PCDH19: variants seen among roughly 807,000 people sequenced by gnomAD.
PCDH19 encodes the protein protocadherin 19, also known as protocadherin-19.
Under a neutral mutation model 46.2 loss-of-function variants are expected in PCDH19, and 6 were observed. The observed-to-expected ratio is 0.13, with a 90% CI of 0.07 to 0.26. The LOEUF (loss-of-function observed/expected upper bound fraction) is 0.26. PCDH19 is among the 10% of genes least tolerant of loss of function. PCDH19 has a pLI of 1.00. For synonymous variants in PCDH19, 481 were observed against 415.7 expected (o/e 1.16, Z -1.91); for missense variants, 740 against 972.3 (o/e 0.76, Z 3.18).
chrX:100,392,612 G>A (rs770541782), intron 3 of PCDH19, among the ~76,000 whole-genome samples: 73 of 111,782 alleles, frequency 6.5e-4, no homozygotes, highest in Middle Eastern at 4.6e-3. Flanking sequence ...TTAAAGAAAT[G>A]ATCAGAACAG....
intron 5 of PCDH19, among the ~76,000 whole-genome samples, chrX:100,297,653 C>G (rs1329849803): frequency 8.9e-6 from 1 of 112,048 alleles, no homozygotes; most frequent in Non-Finnish European, 1.9e-5. Context: ...TTAAAGAAAT[C>G]TTTCATGGAT....
rs192316918 is a variant in PCDH19, at chrX:100,328,469, C to A, written c.2848+13434G>T. ...CAGCATGTCAACTTCGAAGACTTTT[C>A]CCTCTCCCAAGAGTACAAAGCTCAT... On this transcript the variant is annotated intron_variant, in intron 5 of 5. Coordinates refer to ENST00000373034, the MANE Select transcript of PCDH19 (RefSeq NM_001184880.2). Among the ~76,000 whole-genome samples, 8 of 111,553 alleles carry A rather than the reference C, an allele frequency of 7.2e-5. No homozygotes were observed. In the Admixed American group the frequency reaches 7.6e-4, roughly 11 times the overall value.
chrX:100,348,876 G>T lies in PCDH19; in HGVS notation c.2675+1770C>A, dbSNP rs1400807752. Among the ~76,000 whole-genome samples, 12 of 107,943 alleles carry T rather than the reference G, an allele frequency of 1.1e-4. 1 individual carries two copies. The Admixed American group carries it at 1.2e-3, about 11-fold the overall frequency. The allele number at this position is 107,943 out of a possible 115,157, so 93.7% of individuals were successfully genotyped here. On this transcript the variant is annotated intron_variant, in intron 4 of 5. Coordinates refer to ENST00000373034, the MANE Select transcript of PCDH19 (RefSeq NM_001184880.2). ...CCTGGGAGTCTTAGCTTTCTTCCAG[G>T]CTGTGACAATCAGACTCATACTATC...
At chrX:100,340,169 G>A (rs1170864987) in intron 5 of PCDH19, among the ~76,000 whole-genome samples, 5 of 111,100 alleles carry the variant, frequency 4.5e-5, no homozygotes, top group South Asian at 3.8e-4. Context: ...AAGAATACTC[G>A]TCTTATTATC....
intron 3 of PCDH19, among the ~76,000 whole-genome samples, chrX:100,355,442 C>A (rs749650765): frequency 4.5e-5 from 5 of 111,461 alleles, no homozygotes; most frequent in Admixed American, 1.9e-4. Context: ...TTCTATCAAA[C>A]ACAGCGTTTT....
chrX:100,402,704 G>C lies in PCDH19; in HGVS notation c.2436C>G (p.Asn812Lys). 1 of 1,211,801 alleles carries C rather than the reference G, an allele frequency of 8.3e-7. No individual in the cohort carries two copies. The highest frequency in any genetic ancestry group is 1.1e-6 in the Non-Finnish European group (1 of 895,358). ...VSCSSLTSSL[N>K]YFDYHQQTLP... ...GCGTCTGCTGGTGGTAGTCAAAATA[G>C]TTGAGGGAGGAGGTCAGGGAAGAGC... The change falls in exon 3 of 6, where the codon AAC (asparagine) becomes AAG (lysine). Residue 812 changes from asparagine to lysine, a missense_variant. By Grantham distance (94) the Asn-to-Lys change is moderately conservative (BLOSUM62 0). This residue lies in a region of PCDH19 where 416 missense variants were observed against 476.8 expected (regional missense o/e 0.87). Coordinates refer to ENST00000373034, the MANE Select transcript of PCDH19 (RefSeq NM_001184880.2).
intron 4 of PCDH19, among the ~76,000 whole-genome samples, chrX:100,348,450 C>T (rs1242986512): frequency 8.9e-6 from 1 of 111,905 alleles, no homozygotes; most frequent in Non-Finnish European, 1.9e-5. Context: ...CAATTGACCA[C>T]ACAAATTCAA....
chrX:100,322,833 G>GTGTATATATATATATA (rs1322393906), intron 5 of PCDH19, among the ~76,000 whole-genome samples: 15 of 48,795 alleles, frequency 3.1e-4, no homozygotes, highest in African/African-American at 1.6e-3. Flanking sequence ...ATATTCCTAA[G>GTGTATATATATATATA]TATATATATA....
Position 100,295,990 on chromosome X carries a change from A to C in PCDH19, c.*287T>G. ...TGACATAGAAAAATATATAAATTCA[A>C]ACACTTAATACATAATACTTTTCAC... On this transcript the variant is annotated 3_prime_UTR_variant, in exon 6 of 6. Coordinates refer to ENST00000373034, the MANE Select transcript of PCDH19 (RefSeq NM_001184880.2). 1 of 288,932 alleles carries C rather than the reference A, an allele frequency of 3.5e-6. No individual in the cohort carries two copies. Among genetic ancestry groups the C allele is most frequent in the Non-Finnish European group, 6.1e-6 (1 of 164,138 alleles). The allele number at this position is 288,932 out of a possible 1,213,427, so 23.8% of individuals were successfully genotyped here.
intron 5 of PCDH19, among the ~76,000 whole-genome samples, chrX:100,340,164 T>C (rs1431471249): frequency 9.1e-6 from 1 of 109,633 alleles, no homozygotes; most frequent in African/African-American, 3.3e-5. Context: ...CAAAAAAGAA[T>C]ACTCGTCTTA....
intron 3 of PCDH19, among the ~76,000 whole-genome samples, chrX:100,377,924 G>A (rs1351925484): frequency 1.8e-5 from 2 of 112,316 alleles, no homozygotes; most frequent in African/African-American, 6.5e-5. Flanking sequence ...CGAAATAGTG[G>A]TGAAGAGGGA....
chrX:100,343,792 C>T (rs180864015), intron 4 of PCDH19, among the ~76,000 whole-genome samples: 1 of 111,956 alleles, frequency 8.9e-6, no homozygotes, highest in African/African-American at 3.2e-5. Flanking sequence ...TGAATTAACA[C>T]AAACCCTAAT....
chrX:100,361,949 A>G (rs1926895748), intron 3 of PCDH19, among the ~76,000 whole-genome samples: 1 of 112,108 alleles, frequency 8.9e-6, no homozygotes, highest in Non-Finnish European at 1.9e-5. Flanking sequence ...TTCCTCCTGC[A>G]GGAAGATTAA....
chrX:100,397,645 C>G (rs1355734561), intron 3 of PCDH19, among the ~76,000 whole-genome samples: 2 of 111,955 alleles, frequency 1.8e-5, no homozygotes, highest in Non-Finnish European at 3.8e-5. Context: ...TGGGCCATTT[C>G]ACCCCTCCTG....
Position 100,410,234 on chromosome X carries a change from G to A in PCDH19, c.-1637C>T, listed in dbSNP as rs1928560855. The A allele has an allele frequency of 3.3e-6, 1 of 298,660 alleles. No individual in the cohort carries two copies. The highest frequency in any genetic ancestry group is 5.8e-6 in the Non-Finnish European group (1 of 171,200). 24.6% of individuals were successfully genotyped at this position (298,660 alleles called of 1,213,427 possible). On this transcript the variant is annotated 5_prime_UTR_variant, in exon 1 of 6. Transcript: ENST00000373034. ...TCTCCGCGCTGCGCCAGCCGCCGCC[G>A]CTACTGCTGCTGCTGCTCCTCCGGA...
intron 5 of PCDH19, among the ~76,000 whole-genome samples, chrX:100,320,486 A>T (rs1336337158): frequency 8.9e-6 from 1 of 111,889 alleles, no homozygotes. Flanking sequence ...AACTATTGGG[A>T]TGTTAAGAGT....
chrX:100,379,304 T>TACACACACAC (rs200896147), intron 3 of PCDH19, among the ~76,000 whole-genome samples: 10 of 41,606 alleles, frequency 2.4e-4, no homozygotes, highest in African/African-American at 8.3e-4. Context: ...ATCTGTCACA[T>TACACACACAC]ACACACACAC....
intron 5 of PCDH19, among the ~76,000 whole-genome samples, chrX:100,335,002 T>C (rs1043989045): frequency 2.7e-5 from 3 of 110,981 alleles, no homozygotes; most frequent in Non-Finnish European, 3.8e-5. Context: ...AAGAAACCAA[T>C]GGTGAACTGT....
chrX:100,404,802 T>G (rs1021919847), intron 1 of PCDH19, among the ~76,000 whole-genome samples: 4 of 111,584 alleles, frequency 3.6e-5, no homozygotes, highest in African/African-American at 1.3e-4. Context: ...GCTGAGAAGA[T>G]GGCTTAAAAA....
Sources: gnomAD v4.1 joint callset for allele counts (sites outside exome capture counted in the v4.1 genomes callset) on GRCh38, gnomAD v4.1.1 for gene constraint, gnomAD v4.1.1 regional missense constraint, MANE v1.5 for transcripts, NCBI Gene and HGNC (gene_info 2026-07-23, HGNC 2026-07-21) for gene names.